LY6S: variants seen among roughly 807,000 people sequenced by gnomAD.
The protein encoded by LY6S is lymphocyte antigen 6 family member S.
At chr8:143,070,382 T>A in the LY6S span, among the ~76,000 whole-genome samples, 4 of 132,456 alleles carry the variant, frequency 3.0e-5, no homozygotes, top group African/African-American at 1.2e-4. Flanking sequence ...TATATAAATA[T>A]ATATATATTT....
chr8:143,055,883 G>C, the LY6S span, among the ~76,000 whole-genome samples: 1 of 152,098 alleles, frequency 6.6e-6, no homozygotes, highest in Non-Finnish European at 1.5e-5. Context: ...TCTCCTTACA[G>C]TAAGGCGGCA....
the LY6S span, among the ~76,000 whole-genome samples, chr8:143,064,498 A>G: frequency 2.9e-4 from 44 of 152,342 alleles, no homozygotes; most frequent in African/African-American, 1.1e-3. Flanking sequence ...TTGTAAATAT[A>G]CCCAGTTTTT....
the LY6S span, chr8:143,042,897 TG>T: frequency 1.3e-6 from 1 of 794,250 alleles, no homozygotes; most frequent in Non-Finnish European, 1.9e-6. Context: ...TTGGGGGGCA[TG>T]GGCTGGAGGG....
At chr8:143,067,584 G>T in the LY6S span, among the ~76,000 whole-genome samples, 23 of 152,332 alleles carry the variant, frequency 1.5e-4, no homozygotes, top group East Asian at 3.9e-3. Flanking sequence ...CAGGAGACCG[G>T]CACTTAACAT....
the LY6S span, chr8:143,049,381 G>A: frequency 4.3e-6 from 2 of 461,320 alleles, no homozygotes; most frequent in Non-Finnish European, 4.5e-6. Context: ...TGGTCAGAGA[G>A]TGGAACTGTG....
chr8:143,065,631 A>G, the LY6S span, among the ~76,000 whole-genome samples: 2 of 151,754 alleles, frequency 1.3e-5, no homozygotes, highest in African/African-American at 4.8e-5. Flanking sequence ...TCCCTAGATG[A>G]CTGTGTAGGG....
the LY6S span, chr8:143,047,948 G>T: frequency 1.3e-5 from 2 of 152,208 alleles, no homozygotes; most frequent in African/African-American, 4.8e-5. Flanking sequence ...CTTTCAAAAT[G>T]TTCTTTCTCC....
the LY6S span, among the ~76,000 whole-genome samples, chr8:143,061,218 G>A: frequency 6.7e-6 from 1 of 150,086 alleles, no homozygotes; most frequent in Admixed American, 6.6e-5. Context: ...TTGAGCCCAA[G>A]AGTTCAAGAC....
the LY6S span, chr8:143,043,131 G>A: frequency 0.11 from 146,096 of 1,367,524 alleles, 9,170 homozygotes; most frequent in Middle Eastern, 0.22. Flanking sequence ...TCACAGCAGG[G>A]CCCAGAGGAA....
At chr8:143,067,869 C>T in the LY6S span, among the ~76,000 whole-genome samples, 3 of 152,208 alleles carry the variant, frequency 2.0e-5, no homozygotes, top group South Asian at 2.1e-4. Context: ...CAGCATATCT[C>T]GCCTCCAGCC....
the LY6S span, among the ~76,000 whole-genome samples, chr8:143,072,622 T>C: frequency 3.4e-5 from 4 of 118,442 alleles, no homozygotes; most frequent in African/African-American, 7.5e-5. Flanking sequence ...GTCCTCGGGG[T>C]TCCTGTTTGA....
chr8:143,054,303 C>CAAAAAAAAAA, the LY6S span: 1 of 64,742 alleles, frequency 1.5e-5, no homozygotes, highest in East Asian at 6.1e-4. Context: ...CACTCCATCC[C>CAAAAAAAAAA]AAAAAAAAAA....
chr8:143,066,539 G>T, the LY6S span: 1 of 301,226 alleles, frequency 3.3e-6, no homozygotes, highest in South Asian at 3.8e-5. Context: ...GGCTGCACAT[G>T]GCTGTGGCCC....
chr8:143,061,703 C>T, the LY6S span, among the ~76,000 whole-genome samples: 18 of 149,110 alleles, frequency 1.2e-4, no homozygotes, highest in Admixed American at 1.2e-3. Flanking sequence ...TGCCACCATG[C>T]CCAGCTAATT....
chr8:143,070,483 A>AT, the LY6S span, among the ~76,000 whole-genome samples: 1 of 86,016 alleles, frequency 1.2e-5, no homozygotes, highest in African/African-American at 7.3e-5. Flanking sequence ...ATAAATATAT[A>AT]TATATATTTT....
the LY6S span, among the ~76,000 whole-genome samples, chr8:143,066,822 G>A: frequency 6.6e-6 from 1 of 152,210 alleles, no homozygotes; most frequent in Admixed American, 6.5e-5. Flanking sequence ...AGACTTTGGG[G>A]AACTACTGAG....
the LY6S span, chr8:143,066,684 A>G: frequency 6.4e-6 from 1 of 157,026 alleles, no homozygotes; most frequent in South Asian, 1.8e-4. Flanking sequence ...CTGCATCCCC[A>G]TTGTATCTTG....
At chr8:143,066,404 C>A in the LY6S span, 1 of 196,772 alleles carries the variant, frequency 5.1e-6, no homozygotes, top group Non-Finnish European at 1.0e-5. Context: ...TCAGGTGATC[C>A]ACCCACCTTG....
At chr8:143,070,471 A>ATAT in the LY6S span, among the ~76,000 whole-genome samples, 1 of 35,938 alleles carries the variant, frequency 2.8e-5, no homozygotes, top group Non-Finnish European at 5.7e-5. Context: ...TATAATATAT[A>ATAT]TATAAATATA....
Sources: gnomAD v4.1 joint callset for allele counts (sites outside exome capture counted in the v4.1 genomes callset) on GRCh38, gnomAD v4.1.1 for gene constraint, MANE v1.5 for transcripts, NCBI Gene and HGNC (gene_info 2026-07-23, HGNC 2026-07-21) for gene names.